The following THEMIS variants were observed in gnomAD, a reference collection of about 807,000 sequenced individuals.
THEMIS encodes the protein protein THEMIS.
In THEMIS, 37 loss-of-function variants were observed where a neutral mutation model predicts 52.6. The observed-to-expected ratio is 0.70, with a 90% CI of 0.54 to 0.93. The LOEUF (loss-of-function observed/expected upper bound fraction) is 0.93, where lower values mean the gene tolerates loss of function less well. Among genes scored for constraint, THEMIS ranks in the 40% least tolerant of loss-of-function variants. The pLI, the probability that THEMIS is intolerant of heterozygous loss-of-function variation, is 0.00. For missense variants in THEMIS, 808 were observed against 763.1 expected (o/e 1.06, Z -0.69); for synonymous variants, 292 against 272.7 (o/e 1.07, Z -0.70).
At position 127,813,297 on chromosome 6, in the gene THEMIS, C is replaced by T; in HGVS notation, c.1344G>A (p.Glu448=). ...IHDKKQYPIS[E]LCKQFRLPFN... ...AGGGCAAACGGAACTGTTTACAGAG[C>T]TCAGAAATCGGGTACTGTTTCTTAT... Residue 448 remains glutamate, a synonymous_variant, in exon 4 of 6, where the codon GAG becomes GAA. Coordinates refer to ENST00000368248, the MANE Select transcript of THEMIS (RefSeq NM_001010923.3). 1 of 1,614,174 alleles carries T rather than the reference C, an allele frequency of 6.2e-7. No individual in the cohort carries two copies.
At chr6:127,897,287 A>G (rs1780997665) in intron 1 of THEMIS, among the ~76,000 whole-genome samples, 1 of 151,466 alleles carries the variant, frequency 6.6e-6, no homozygotes, top group Non-Finnish European at 1.5e-5. Flanking sequence ...TAAACTGACT[A>G]CACTAACACG....
intron 1 of THEMIS, among the ~76,000 whole-genome samples, chr6:127,891,763 G>C (rs776210080): frequency 6.6e-6 from 1 of 152,050 alleles, no homozygotes; most frequent in Non-Finnish European, 1.5e-5. Context: ...ATCAGGTCTT[G>C]TCAGTCTGCT....
intron 1 of THEMIS, among the ~76,000 whole-genome samples, chr6:127,883,842 A>G (rs914133315): frequency 2.0e-5 from 3 of 152,126 alleles, no homozygotes; most frequent in Non-Finnish European, 4.4e-5. Context: ...TAGGTGTGTT[A>G]AATGCAGTTT....
chr6:127,808,029 C>T (rs1366790049), intron 4 of THEMIS, among the ~76,000 whole-genome samples: 1 of 152,184 alleles, frequency 6.6e-6, no homozygotes, highest in Non-Finnish European at 1.5e-5. Context: ...CTTGCCATTA[C>T]TGCCTCCCTT....
chr6:127,730,012 G>A (rs1774705465), intron 4 of THEMIS, among the ~76,000 whole-genome samples: 1 of 152,124 alleles, frequency 6.6e-6, no homozygotes, highest in Admixed American at 6.6e-5. Flanking sequence ...GCTCATGTCT[G>A]TAATCCCTGC....
chr6:127,758,902 T>C (rs1775924958), intron 4 of THEMIS, among the ~76,000 whole-genome samples: 1 of 152,128 alleles, frequency 6.6e-6, no homozygotes, highest in Admixed American at 6.5e-5. Context: ...TTTAAGCCAG[T>C]TACTTAGGTA....
chr6:127,835,962 G>A (rs1188662582), intron 2 of THEMIS, among the ~76,000 whole-genome samples: 2 of 152,164 alleles, frequency 1.3e-5, no homozygotes, highest in Non-Finnish European at 2.9e-5. Flanking sequence ...AATAAAAGAT[G>A]TAAGCACATT....
chr6:127,727,356 A>T (rs537925595), intron 4 of THEMIS, among the ~76,000 whole-genome samples: 8 of 152,312 alleles, frequency 5.3e-5, no homozygotes, highest in African/African-American at 1.7e-4. Context: ...GGAATCAACT[A>T]TGTGACACAT....
In THEMIS at chr6:127,758,802, G is replaced by A. The variant is rs899716212; in HGVS notation, c.1759-38979C>T. 2.7e-4 allele frequency among the ~76,000 whole-genome samples: 41 copies of A among 152,034 alleles called. 2 individuals carry two copies. Among genetic ancestry groups the A allele is most frequent in the Non-Finnish European group, 8.8e-5 (6 of 67,952 alleles). On this transcript the variant is annotated intron_variant, in intron 4 of 5. Transcript: ENST00000368248. ...AAAGAAAGAATTATTGGATCATTTT[G>A]TGAAAAAGAAACTGTTTCTTTGTTG...
chr6:127,881,986 A>G (rs1420040086), intron 1 of THEMIS, among the ~76,000 whole-genome samples: 3 of 141,328 alleles, frequency 2.1e-5, no homozygotes, highest in East Asian at 2.1e-4. Context: ...CTGAAGTGTC[A>G]TCTTATACAG....
upstream of THEMIS, among the ~76,000 whole-genome samples, chr6:127,904,227 T>A (rs802704): frequency 0.65 from 99,028 of 151,902 alleles, 32,444 homozygotes; most frequent in South Asian, 0.73. Context: ...CCCCTTAAAA[T>A]TTTTTTGCTC....
At chr6:127,747,680 A>C (rs536899095) in intron 4 of THEMIS, among the ~76,000 whole-genome samples, 1 of 151,956 alleles carries the variant, frequency 6.6e-6, no homozygotes, top group Non-Finnish European at 1.5e-5. Context: ...CTCATAAGAT[A>C]AAGTTATTTT....
At chr6:127,888,710 A>G (rs961006237) in intron 1 of THEMIS, among the ~76,000 whole-genome samples, 28 of 152,082 alleles carry the variant, frequency 1.8e-4, no homozygotes, top group African/African-American at 6.8e-4. Flanking sequence ...TTTTTTGCCA[A>G]ATTTTTAAAT....
the THEMIS span, among the ~76,000 whole-genome samples, chr6:127,699,147 TCCC>T: frequency 6.6e-6 from 1 of 151,848 alleles, no homozygotes; most frequent in Non-Finnish European, 1.5e-5. Flanking sequence ...AAGGTCTCCC[TCCC>T]CAAGTCTTTG....
intron 2 of THEMIS, among the ~76,000 whole-genome samples, chr6:127,847,193 A>G (rs1253021767): frequency 6.6e-6 from 1 of 152,032 alleles, no homozygotes; most frequent in African/African-American, 2.4e-5. Flanking sequence ...AATGGGGAAA[A>G]GTTGAAAGCA....
At chr6:127,828,750 G>A (rs1434139324) in intron 3 of THEMIS, among the ~76,000 whole-genome samples, 1 of 152,076 alleles carries the variant, frequency 6.6e-6, no homozygotes, top group African/African-American at 2.4e-5. Flanking sequence ...TCAAGAGATC[G>A]AGACCATCCT....
At chr6:127,849,442 GATGCCATCCCCATCA>G (rs1464237971) in intron 2 of THEMIS, among the ~76,000 whole-genome samples, 1 of 151,674 alleles carries the variant, frequency 6.6e-6, no homozygotes, top group Non-Finnish European at 1.5e-5. Context: ...CTTTAAAGTA[GATGCCATCCCCATCA>G]AGCTACCAAT....
intron 2 of THEMIS, among the ~76,000 whole-genome samples, chr6:127,840,912 G>A (rs932614508): frequency 1.3e-5 from 2 of 152,024 alleles, no homozygotes; most frequent in African/African-American, 4.8e-5. Context: ...TATGGAGACA[G>A]GAAAAGGATC....
At chr6:127,728,197 T>G (rs1774620376) in intron 4 of THEMIS, among the ~76,000 whole-genome samples, 1 of 152,172 alleles carries the variant, frequency 6.6e-6, no homozygotes, top group East Asian at 1.9e-4. Flanking sequence ...TCGTCAGAAT[T>G]TCTCCATCCT....
Sources: gnomAD v4.1 joint callset for allele counts (sites outside exome capture counted in the v4.1 genomes callset) on GRCh38, gnomAD v4.1.1 for gene constraint, MANE v1.5 for transcripts, NCBI Gene and HGNC (gene_info 2026-07-23, HGNC 2026-07-21) for gene names.